Variants in ARHGAP40 observed in about 807,000 individuals in gnomAD.
The protein encoded by ARHGAP40 is Rho GTPase activating protein 40, also known as rho GTPase-activating protein 40.
In ARHGAP40, 43 loss-of-function variants were observed where a neutral mutation model predicts 73.5. The ratio of observed to expected loss-of-function variants is 0.58; its 90% confidence interval spans 0.46 to 0.75. The LOEUF (loss-of-function observed/expected upper bound fraction) is 0.75, where lower values mean the gene tolerates loss of function less well. Ranked by LOEUF, ARHGAP40 falls within the 30% of genes least tolerant of loss-of-function variation. The pLI, the probability that ARHGAP40 is intolerant of heterozygous loss-of-function variation, is 0.00. For missense variants in ARHGAP40, 734 were observed against 861.8 expected (o/e 0.85, Z 1.86); for synonymous variants, 300 against 352.8 (o/e 0.85, Z 1.68).
In ARHGAP40 at chr20:38,618,256, C is replaced by T. The variant is rs146493492; in HGVS notation, c.138-5103C>T. Among the ~76,000 whole-genome samples the T allele has an allele frequency of 4.7e-3, 714 of 152,152 alleles. 9 individuals carry two copies. The highest frequency in any genetic ancestry group is 0.016 in the African/African-American group (674 of 41,504). On this transcript the variant is annotated intron_variant, in intron 1 of 14. Coordinates refer to ENST00000373345, the Ensembl canonical transcript of ARHGAP40. The stretch of plus-strand genomic sequence containing the variant: ...CTGGGATTCCAGGCGCCCGCCACCA[C>T]GCCCATTAATTTTTTGTATTTTTTA...
At chr20:38,645,753 C>T (rs2089047552) in intron 11 of ARHGAP40, among the ~76,000 whole-genome samples, 1 of 152,124 alleles carries the variant, frequency 6.6e-6, no homozygotes, top group Admixed American at 6.5e-5. Context: ...CAGTGAGCAG[C>T]TATCCCTCAG....
chr20:38,620,843 C>T (rs979270302), intron 1 of ARHGAP40, among the ~76,000 whole-genome samples: 3 of 152,170 alleles, frequency 2.0e-5, no homozygotes, highest in Non-Finnish European at 4.4e-5. Context: ...TTGTTTAGGA[C>T]TCGGAGTTGA....
At chr20:38,601,944 T>A in exon 1 of ARHGAP40, 1 of 1,287,866 alleles carries the variant, frequency 7.8e-7, no homozygotes. Context: ...TGCCAGCCCA[T>A]GGCCGAGCCT....
chr20:38,641,109 AAGGT>A lies in ARHGAP40; in HGVS notation c.1280-604_1280-601del, dbSNP rs200151154. Reference sequence around the variant, plus strand: ...GGAGGGAGGGAGGGAGGAAGGAAGGAAGGTAGGTAGGTAGGTCATATGGGGTCGC... The same window carrying A: ...GGAGGGAGGGAGGGAGGAAGGAAGGAAGGTAGGTAGGTCATATGGGGTCGC... On this transcript the variant is annotated intron_variant, in intron 9 of 14. Transcript: ENST00000373345. 3.3e-3 allele frequency among the ~76,000 whole-genome samples: 509 copies of A among 151,942 alleles called. 2 individuals carry two copies. Among genetic ancestry groups the A allele is most frequent in the African/African-American group, 0.011 (473 of 41,424 alleles).
chr20:38,636,828 A>AT (rs1278322466), intron 6 of ARHGAP40, among the ~76,000 whole-genome samples: 2 of 151,956 alleles, frequency 1.3e-5, no homozygotes, highest in East Asian at 3.9e-4. Context: ...ATGCATTGTG[A>AT]TTTTTTGGTT....
At chr20:38,649,917 C>T (rs2089078793) in exon 15 of ARHGAP40, 3 of 1,126,786 alleles carry the variant, frequency 2.7e-6, no homozygotes, top group Non-Finnish European at 3.6e-6. Context: ...TCCATGTACC[C>T]AGCATGAGAA....
intron 1 of ARHGAP40, among the ~76,000 whole-genome samples, chr20:38,618,245 G>A (rs569554367): frequency 6.9e-4 from 105 of 152,038 alleles, no homozygotes; most frequent in Admixed American, 2.1e-3. Context: ...GATTCCAGGC[G>A]CCCGCCACCA....
chr20:38,623,588 G>A (rs1362737211), intron 2 of ARHGAP40, 30 bp downstream of exon 2: 5 of 1,259,826 alleles, frequency 4.0e-6, no homozygotes, highest in Admixed American at 5.0e-5. Flanking sequence ...GCCTATAGGG[G>A]TGGTGGGAGG....
intron 3 of ARHGAP40, 82 bp from the exon 4 acceptor site, chr20:38,628,844 TG>T: frequency 9.8e-7 from 1 of 1,016,862 alleles, no homozygotes; most frequent in Non-Finnish European, 1.3e-6. Flanking sequence ...AAAGGGGTTG[TG>T]GGTGGCTTCT....
At chr20:38,647,259 G>A in intron 13 of ARHGAP40, 133 bp downstream of exon 13, 6 of 674,604 alleles carry the variant, frequency 8.9e-6, no homozygotes, top group Non-Finnish European at 4.2e-6. Flanking sequence ...TGGTCAGATG[G>A]GTTCTCCAAT....
chr20:38,648,625 TC>T lies in ARHGAP40; in HGVS notation c.1881-17del. 7.7e-7 allele frequency: 1 copy of T among 1,296,022 alleles called. No individual in the cohort carries two copies. Among genetic ancestry groups the T allele is most frequent in the African/African-American group, 1.6e-5 (1 of 64,204 alleles). 80.3% of individuals were successfully genotyped at this position (1,296,022 alleles called of 1,614,324 possible). A position where few individuals can be genotyped will look rare whatever the true frequency, so the allele number is the denominator to read the frequency against. On this transcript the variant is annotated splice_polypyrimidine_tract_variant and intron_variant, in intron 13 of 14. Coordinates refer to ENST00000373345, the Ensembl canonical transcript of ARHGAP40. ...GAAAAAGGCAGTAGTTTTTTTTTTC[TC>T]TCTCTCTGTTTTACAGCCATAGGTC... is the stretch of plus-strand genomic sequence containing the variant.
chr20:38,613,202 G>T (rs1422686576), intron 1 of ARHGAP40, among the ~76,000 whole-genome samples: 1 of 152,192 alleles, frequency 6.6e-6, no homozygotes, highest in Admixed American at 6.5e-5. Context: ...GATGCAGTTT[G>T]CTATCTCAGA....
chr20:38,623,321 A>G, intron 1 of ARHGAP40, 38 bp from the exon 2 acceptor site: 1 of 1,246,936 alleles, frequency 8.0e-7, no homozygotes, highest in Non-Finnish European at 1.0e-6. Flanking sequence ...ATAAGCAGAG[A>G]CTTGCTGACC....
chr20:38,615,857 C>T (rs1471049865), intron 1 of ARHGAP40, among the ~76,000 whole-genome samples: 2 of 152,168 alleles, frequency 1.3e-5, no homozygotes, highest in Non-Finnish European at 2.9e-5. Flanking sequence ...CCCTAAGCGA[C>T]GATTGTGTAC....
chr20:38,603,573 G>A (rs191444975), intron 1 of ARHGAP40, among the ~76,000 whole-genome samples: 1 of 145,558 alleles, frequency 6.9e-6, no homozygotes, highest in African/African-American at 2.8e-5. Flanking sequence ...AATCACATAA[G>A]CTTATCTATC....
At position 38,646,484 on chromosome 20, in the gene ARHGAP40, G is replaced by T. The variant is rs2089054376; in HGVS notation, c.1710+297G>T. Reference sequence around the variant, plus strand: ...GCCGAGGGTTGGGAAAATGGGAGTCGCTCTGCGGGGTGTGAGGTGATTGGG... The same window carrying T: ...GCCGAGGGTTGGGAAAATGGGAGTCTCTCTGCGGGGTGTGAGGTGATTGGG... On this transcript the variant is annotated intron_variant, in intron 12 of 14. Coordinates refer to ENST00000373345, the Ensembl canonical transcript of ARHGAP40. This position sits in a 1 kb window ranked among gnomAD's most constrained non-coding sequence, Gnocchi z 4.5. Among the ~76,000 whole-genome samples, 1 of 152,230 alleles carries T rather than the reference G, an allele frequency of 6.6e-6. No homozygotes were observed. The highest frequency in any genetic ancestry group is 6.5e-5 in the Admixed American group (1 of 15,280).
chr20:38,608,381 T>C (rs2088784721), intron 1 of ARHGAP40, among the ~76,000 whole-genome samples: 1 of 152,198 alleles, frequency 6.6e-6, no homozygotes, highest in South Asian at 2.1e-4. Context: ...CCTTTTGTTC[T>C]CTAGTTACTA....
At chr20:38,632,513 G>T (rs1014659210) in intron 5 of ARHGAP40, among the ~76,000 whole-genome samples, 1 of 151,268 alleles carries the variant, frequency 6.6e-6, no homozygotes, top group Middle Eastern at 3.5e-3. Context: ...CGCCAGCCTC[G>T]GCCTCCCAAA....
At chr20:38,645,918 A>T in intron 11 of ARHGAP40, 129 bp from the exon 12 acceptor site, 1 of 917,772 alleles carries the variant, frequency 1.1e-6, no homozygotes, top group Non-Finnish European at 1.4e-6. Flanking sequence ...CCCGTGTCCA[A>T]CAAATGCATA....
Sources: gnomAD v4.1 joint callset for allele counts (sites outside exome capture counted in the v4.1 genomes callset) on GRCh38, gnomAD v4.1.1 for gene constraint, Gnocchi (gnomAD v3.1) non-coding constraint, MANE v1.5 for transcripts, NCBI Gene and HGNC (gene_info 2026-07-23, HGNC 2026-07-21) for gene names.